PLCB1: variants seen among roughly 807,000 people sequenced by gnomAD.
PLCB1 encodes 1-phosphatidylinositol 4,5-bisphosphate phosphodiesterase beta-1.
A neutral mutation model predicts 161.8 loss-of-function variants in PLCB1; 46 were observed. The observed-to-expected ratio is 0.28, with a 90% CI of 0.22 to 0.36. The LOEUF is 0.36. PLCB1 is among the 10% of genes least tolerant of loss of function. The pLI is 1.00. For synonymous variants in PLCB1, 517 were observed against 503.7 expected, an observed-to-expected ratio of 1.03 and a Z score of -0.35; for missense variants, 1,016 against 1,472.5, an observed-to-expected ratio of 0.69 and a Z score of 5.07.
intron 2 of PLCB1, among the ~76,000 whole-genome samples, chr20:8,367,105 T>G (rs1205785502): frequency 6.6e-6 from 1 of 152,190 alleles, no homozygotes; most frequent in Non-Finnish European, 1.5e-5. Context: ...CATTTGTCAT[T>G]CAATAGTTTT....
chr20:8,728,273 G>GT (rs1980047301), intron 17 of PLCB1, among the ~76,000 whole-genome samples: 1 of 152,092 alleles, frequency 6.6e-6, no homozygotes, highest in African/African-American at 2.4e-5. Context: ...CAGCTAGCAA[G>GT]TTTGAGAGTT....
At chr20:8,232,225 A>AG (rs1568599304) in intron 2 of PLCB1, among the ~76,000 whole-genome samples, 24 of 148,376 alleles carry the variant, frequency 1.6e-4, no homozygotes, top group Non-Finnish European at 2.7e-4. Context: ...CTCTTTAAAA[A>AG]AGAGAGAGAG....
intron 3 of PLCB1, among the ~76,000 whole-genome samples, chr20:8,513,955 G>C (rs1308991637): frequency 6.6e-6 from 1 of 151,988 alleles, no homozygotes; most frequent in Non-Finnish European, 1.5e-5. Context: ...TGCCCCAGCA[G>C]GTTGAGGCTG....
chr20:8,806,784 CA>C (rs1984559578), intron 31 of PLCB1, among the ~76,000 whole-genome samples: 1 of 152,150 alleles, frequency 6.6e-6, no homozygotes, highest in Non-Finnish European at 1.5e-5. Flanking sequence ...TACTTACCCT[CA>C]GGATGCTAGG....
Position 8,179,846 on chromosome 20 carries a change from C to CTTTTTT in PLCB1, c.177+29500_177+29505dup, listed in dbSNP as rs35174594. On this transcript the variant is annotated intron_variant, in intron 2 of 31. Coordinates refer to ENST00000338037, the MANE Select transcript of PLCB1 (RefSeq NM_015192.4). ...CCTTCAATGCCTAGTTTGTTGAGGG[C>CTTTTTT]TTTTTTTTTTTTTTTTTTTTTTTTT... 6.2e-4 allele frequency among the ~76,000 whole-genome samples: 44 copies of CTTTTTT among 71,420 alleles called. 5 individuals are homozygous for CTTTTTT. Among genetic ancestry groups the CTTTTTT allele is most frequent in the African/African-American group, 1.6e-3 (30 of 18,416 alleles). The allele number at this position is 71,420 out of a possible 152,430, so 46.9% of individuals were successfully genotyped here.
intron 31 of PLCB1, among the ~76,000 whole-genome samples, chr20:8,869,804 G>T (rs1297436765): frequency 6.6e-6 from 1 of 152,182 alleles, no homozygotes; most frequent in Non-Finnish European, 1.5e-5. Context: ...TAGCTCTGTA[G>T]CTCTGCTGAT....
intron 31 of PLCB1, chr20:8,831,400 A>G (rs6118337): frequency 0.29 from 43,964 of 152,612 alleles, 6,521 homozygotes; most frequent in Middle Eastern, 0.4. Context: ...AGCCCCCTAG[A>G]GCACCCAATC....
At chr20:8,326,225 C>A (rs1337340270) in intron 2 of PLCB1, among the ~76,000 whole-genome samples, 1 of 152,178 alleles carries the variant, frequency 6.6e-6, no homozygotes, top group South Asian at 2.1e-4. Flanking sequence ...TATTAATTCT[C>A]TGGGAAATTA....
At chr20:8,273,222 A>G (rs1982370796) in intron 2 of PLCB1, among the ~76,000 whole-genome samples, 1 of 152,168 alleles carries the variant, frequency 6.6e-6, no homozygotes, top group African/African-American at 2.4e-5. Context: ...AACCAAATCT[A>G]TATTTAAAGG....
intron 3 of PLCB1, among the ~76,000 whole-genome samples, chr20:8,427,496 CTT>C (rs1979837468): frequency 6.6e-6 from 1 of 152,280 alleles, no homozygotes; most frequent in African/African-American, 2.4e-5. Flanking sequence ...TTTAAAAAGA[CTT>C]TGAGTAAAAC....
chr20:8,738,995 T>C (rs1258182357), intron 20 of PLCB1, among the ~76,000 whole-genome samples: 2 of 151,994 alleles, frequency 1.3e-5, no homozygotes, highest in Non-Finnish European at 2.9e-5. Context: ...ACTAAAAAAG[T>C]ACAAAAATTA....
In PLCB1 at chr20:8,881,675, C is replaced by A. The variant is rs774970817; in HGVS notation, c.3477C>A (p.Leu1159=). 1.2e-6 allele frequency: 2 copies of A among 1,613,984 alleles called. No homozygotes were observed. Among genetic ancestry groups the A allele is most frequent in the South Asian group, 2.2e-5 (2 of 91,056 alleles). ...EYQDKFKRLP[L]EILEFVQEAM... ...AAGACAAATTCAAAAGACTGCCCCT[C>A]GAGATTTTGGAATTCGTGCAGGAAG... The change falls in exon 32 of 32, where the codon CTC becomes CTA. Residue 1159 remains leucine, a synonymous_variant. Coordinates refer to ENST00000338037, the MANE Select transcript of PLCB1 (RefSeq NM_015192.4).
intron 31 of PLCB1, among the ~76,000 whole-genome samples, chr20:8,869,478 T>C (rs1568631308): frequency 6.6e-6 from 1 of 152,194 alleles, no homozygotes; most frequent in Non-Finnish European, 1.5e-5. Context: ...TTGTCCTAAA[T>C]TGTAGTATAA....
At chr20:8,393,922 A>C (rs1200546697) in intron 3 of PLCB1, among the ~76,000 whole-genome samples, 1 of 152,088 alleles carries the variant, frequency 6.6e-6, no homozygotes, top group Admixed American at 6.6e-5. Context: ...GGTGATCTAA[A>C]CCAGAAAGGC....
intron 2 of PLCB1, among the ~76,000 whole-genome samples, chr20:8,214,487 C>G (rs1228534010): frequency 6.6e-6 from 1 of 152,116 alleles, no homozygotes; most frequent in East Asian, 1.9e-4. Flanking sequence ...TCCTCAGAAG[C>G]AGACATCTGT....
intron 2 of PLCB1, among the ~76,000 whole-genome samples, chr20:8,324,504 G>A (rs1363245143): frequency 6.6e-6 from 1 of 152,128 alleles, no homozygotes; most frequent in Non-Finnish European, 1.5e-5. Flanking sequence ...GCATACAAAT[G>A]TTTGTTAAAT....
chr20:8,863,764 G>A (rs1987333090), intron 31 of PLCB1, among the ~76,000 whole-genome samples: 1 of 152,204 alleles, frequency 6.6e-6, no homozygotes, highest in Admixed American at 6.5e-5. Flanking sequence ...CTAACTGGAA[G>A]AGTTAAGCAA....
chr20:8,321,118 C>G (rs762345658), intron 2 of PLCB1, among the ~76,000 whole-genome samples: 2 of 152,122 alleles, frequency 1.3e-5, no homozygotes, highest in South Asian at 4.1e-4. Context: ...TCTGTGTTAG[C>G]AAACATAATT....
intron 2 of PLCB1, among the ~76,000 whole-genome samples, chr20:8,366,205 T>C (rs926802216): frequency 8.5e-5 from 13 of 152,214 alleles, no homozygotes; most frequent in African/African-American, 3.1e-4. Flanking sequence ...TAAGAGTTTC[T>C]GTTTTCCAGC....
Sources: allele counts gnomAD v4.1 joint callset (sites outside exome capture counted in the v4.1 genomes callset), GRCh38; gene constraint gnomAD v4.1.1; transcripts MANE v1.5; gene names NCBI Gene and HGNC (gene_info 2026-07-23, HGNC 2026-07-21).